Variants in SCN7A observed in about 807,000 individuals in gnomAD.
SCN7A encodes the protein sodium voltage-gated channel alpha subunit 7.
In SCN7A, 138 loss-of-function variants were observed where a neutral mutation model predicts 155.2. The ratio of observed to expected loss-of-function variants is 0.89; its 90% confidence interval spans 0.77 to 1.02. The LOEUF (loss-of-function observed/expected upper bound fraction) is 1.02, where lower values mean the gene tolerates loss of function less well. Among genes scored for constraint, SCN7A ranks in the 50% least tolerant of loss-of-function variants. SCN7A has a pLI of 0.00. For missense variants in SCN7A, 2,058 were observed against 1,986.6 expected (o/e 1.04, Z -0.68); for synonymous variants, 693 against 649.0 (o/e 1.07, Z -1.03).
intron 21 of SCN7A, among the ~76,000 whole-genome samples, chr2:166,415,537 A>C (rs1701357430): frequency 6.6e-6 from 1 of 151,910 alleles, no homozygotes; most frequent in Non-Finnish European, 1.5e-5. Flanking sequence ...TCTTTAAATG[A>C]GTCTAGTGTT....
chr2:166,405,462 T>C lies in SCN7A; in HGVS notation c.*118A>G, dbSNP rs1701046270. 1 of 760,404 alleles carries C rather than the reference T, an allele frequency of 1.3e-6. No homozygotes were observed. Among genetic ancestry groups the C allele is most frequent in the Non-Finnish European group, 2.1e-6 (1 of 476,860 alleles). 47.1% of individuals were successfully genotyped at this position (760,404 alleles called of 1,614,324 possible). On this transcript the variant is annotated 3_prime_UTR_variant, in exon 26 of 26. Coordinates refer to ENST00000643258, the MANE Select transcript of SCN7A (RefSeq NM_002976.4). ...GGCATGAAGTCTTGTGAATACAAGC[T>C]TAATTACCATCGGTTGTAAAGAACT...
chr2:166,468,749 A>T (rs2105492336), intron 7 of SCN7A, among the ~76,000 whole-genome samples: 1 of 151,988 alleles, frequency 6.6e-6, no homozygotes, highest in Admixed American at 6.6e-5. Context: ...TATAGCTGAG[A>T]ACATACATTT....
At chr2:166,433,350 T>TA (rs747270641) in intron 15 of SCN7A, among the ~76,000 whole-genome samples, 18 of 152,196 alleles carry the variant, frequency 1.2e-4, no homozygotes, top group Non-Finnish European at 2.1e-4. Context: ...TAAATTTGAC[T>TA]AAAAAAGGCT....
chr2:166,441,888 T>G, intron 14 of SCN7A, 136 bp from the exon 15 acceptor site: 1 of 635,826 alleles, frequency 1.6e-6, no homozygotes, highest in African/African-American at 1.8e-5. Flanking sequence ...TACTGAACAT[T>G]CATTTTGTGA....
intron 4 of SCN7A, 103 bp downstream of exon 4, chr2:166,474,123 A>T: frequency 1.7e-6 from 1 of 578,276 alleles, no homozygotes; most frequent in Non-Finnish European, 2.9e-6. Context: ...AACATGAGAT[A>T]TAAATTGAAA....
intron 16 of SCN7A, among the ~76,000 whole-genome samples, chr2:166,429,663 T>G (rs1417446634): frequency 6.6e-6 from 1 of 152,008 alleles, no homozygotes; most frequent in Non-Finnish European, 1.5e-5. Context: ...TCAGAACAAA[T>G]CATCCCTTGA....
chr2:166,455,546 G>T (rs1215820850), intron 11 of SCN7A, among the ~76,000 whole-genome samples: 1 of 152,072 alleles, frequency 6.6e-6, no homozygotes, highest in Non-Finnish European at 1.5e-5. Flanking sequence ...GACTACTAGA[G>T]GGGGAAGAGA....
At chr2:166,409,362 A>G (rs1195264649) in intron 25 of SCN7A, among the ~76,000 whole-genome samples, 1 of 151,970 alleles carries the variant, frequency 6.6e-6, no homozygotes, top group African/African-American at 2.4e-5. Context: ...TGTCATCTAG[A>G]AAATTAGTGT....
chr2:166,455,678 T>A (rs537811437), intron 11 of SCN7A, among the ~76,000 whole-genome samples: 27 of 152,134 alleles, frequency 1.8e-4, no homozygotes, highest in Non-Finnish European at 3.5e-4. Flanking sequence ...CCTGCACATG[T>A]AGCCCCTGAA....
chr2:166,454,332 C>T (rs1383267621), intron 11 of SCN7A, among the ~76,000 whole-genome samples: 1 of 152,128 alleles, frequency 6.6e-6, no homozygotes, highest in Admixed American at 6.6e-5. Context: ...ACTCAATAGG[C>T]TTTTTTATAC....
chr2:166,457,803 T>C (rs1180273570), intron 10 of SCN7A, among the ~76,000 whole-genome samples: 1 of 152,122 alleles, frequency 6.6e-6, no homozygotes. Flanking sequence ...AAGTATAACA[T>C]TACAAATATA....
chr2:166,408,843 G>C (rs895197042), intron 25 of SCN7A, among the ~76,000 whole-genome samples: 9 of 151,882 alleles, frequency 5.9e-5, no homozygotes, highest in African/African-American at 1.7e-4. Context: ...GTGTTATGTG[G>C]AAACAGACAA....
At chr2:166,463,509 C>G (rs560597407) in intron 9 of SCN7A, among the ~76,000 whole-genome samples, 14 of 152,162 alleles carry the variant, frequency 9.2e-5, no homozygotes, top group Non-Finnish European at 1.9e-4. Context: ...ACCATGCAGC[C>G]AAGTATGACT....
At chr2:166,480,407 G>C (rs1702895186) in intron 2 of SCN7A, among the ~76,000 whole-genome samples, 1 of 150,684 alleles carries the variant, frequency 6.6e-6, no homozygotes, top group South Asian at 2.1e-4. Flanking sequence ...GCAGTGAGCC[G>C]AGATCGCACC....
At chr2:166,474,651 C>G (rs1409135381) in intron 3 of SCN7A, among the ~76,000 whole-genome samples, 1 of 151,490 alleles carries the variant, frequency 6.6e-6, no homozygotes, top group Non-Finnish European at 1.5e-5. Flanking sequence ...AGGAAGAACA[C>G]AATATCCCAA....
At chr2:166,438,045 T>G (rs1028230417) in intron 15 of SCN7A, among the ~76,000 whole-genome samples, 3 of 152,112 alleles carry the variant, frequency 2.0e-5, no homozygotes, top group Non-Finnish European at 2.9e-5. Flanking sequence ...GATATGAGAT[T>G]TGGGAAGGGC....
At chr2:166,412,304 T>A (rs1436458842) in intron 23 of SCN7A, among the ~76,000 whole-genome samples, 1 of 152,130 alleles carries the variant, frequency 6.6e-6, no homozygotes, top group Non-Finnish European at 1.5e-5. Context: ...CACAGACACT[T>A]GTAATGTTTA....
intron 23 of SCN7A, among the ~76,000 whole-genome samples, chr2:166,410,749 A>G (rs568224187): frequency 6.6e-6 from 1 of 152,066 alleles, no homozygotes; most frequent in South Asian, 2.1e-4. Flanking sequence ...ATATGACTAT[A>G]TATTGCTTTA....
chr2:166,469,676 T>C (rs1702611202), intron 7 of SCN7A, among the ~76,000 whole-genome samples: 1 of 151,806 alleles, frequency 6.6e-6, no homozygotes, highest in African/African-American at 2.4e-5. Context: ...CCTCTAGTCT[T>C]AGGATGAAGA....
Sources: gnomAD v4.1 joint callset for allele counts (sites outside exome capture counted in the v4.1 genomes callset) on GRCh38, gnomAD v4.1.1 for gene constraint, MANE v1.5 for transcripts, NCBI Gene and HGNC (gene_info 2026-07-23, HGNC 2026-07-21) for gene names.